Variants in MEF2A observed in about 807,000 individuals in gnomAD.
MEF2A encodes the protein myocyte-specific enhancer factor 2A.
A neutral mutation model predicts 55.8 loss-of-function variants in MEF2A; 28 were observed. The observed-to-expected ratio is 0.50, with a 90% CI of 0.37 to 0.69. MEF2A has a LOEUF of 0.69. Ranked by LOEUF, MEF2A falls within the 30% of genes least tolerant of loss-of-function variation. MEF2A has a pLI of 0.00. For missense variants in MEF2A, 528 were observed against 626.2 expected, an observed-to-expected ratio of 0.84 and a Z score of 1.67; for synonymous variants, 239 against 227.1, an observed-to-expected ratio of 1.05 and a Z score of -0.47.
intron 2 of MEF2A, among the ~76,000 whole-genome samples, chr15:99,615,199 A>C (rs2039995306): frequency 6.6e-6 from 1 of 152,172 alleles, no homozygotes. Context: ...AGGGTATCTT[A>C]AGTTGAGTAG....
chr15:99,596,234 T>C (rs1971126421), intron 1 of MEF2A, among the ~76,000 whole-genome samples: 1 of 152,186 alleles, frequency 6.6e-6, no homozygotes, highest in South Asian at 2.1e-4. Context: ...GTTTAATCAC[T>C]TGTTTGCCAT....
chr15:99,710,223 G>T (rs2058479828), intron 10 of MEF2A, among the ~76,000 whole-genome samples: 2 of 152,126 alleles, frequency 1.3e-5, no homozygotes, highest in South Asian at 4.1e-4. Context: ...GAAGTATCTG[G>T]CTTCTCTCAA....
intron 1 of MEF2A, among the ~76,000 whole-genome samples, chr15:99,577,983 C>T (rs547067941): frequency 6.6e-6 from 1 of 152,248 alleles, no homozygotes; most frequent in Admixed American, 6.5e-5. Context: ...TTACTAATGA[C>T]GTTAATCTTG....
chr15:99,690,288 A>G lies in MEF2A; in HGVS notation c.718A>G (p.Thr240Ala), dbSNP rs2055122002. 6.2e-7 allele frequency: 1 copy of G among 1,613,682 alleles called. No homozygotes were observed. Residue 240 changes from threonine to alanine, a missense_variant, in exon 8 of 12, where the codon ACT becomes GCT. Coordinates refer to ENST00000557942, the MANE Select transcript of MEF2A (RefSeq NM_001319206.4). ...AGCTTCTCCAAATTTGATTGGAGCT[A>G]CTGGTGCAAATAGCTTAGGCAAAGT... ...SRASPNLIGA[T>A]GANSLGKVMP...
chr15:99,695,090 T>G (rs546833754), intron 8 of MEF2A, among the ~76,000 whole-genome samples: 17 of 152,108 alleles, frequency 1.1e-4, no homozygotes, highest in Non-Finnish European at 2.1e-4. Flanking sequence ...CAGGCATTTC[T>G]CCAAGGAACA....
intron 1 of MEF2A, among the ~76,000 whole-genome samples, chr15:99,594,032 T>A (rs1179803476): frequency 6.6e-6 from 1 of 152,150 alleles, no homozygotes; most frequent in Non-Finnish European, 1.5e-5. Context: ...CAAGTAGTTC[T>A]CCAGTGGACA....
intron 10 of MEF2A, among the ~76,000 whole-genome samples, chr15:99,709,973 C>T (rs539454058): frequency 5.3e-5 from 8 of 152,304 alleles, no homozygotes; most frequent in African/African-American, 1.7e-4. Context: ...TATTCCCTGT[C>T]CCCCAACCCC....
At position 99,712,968 on chromosome 15, in the gene MEF2A, A is replaced by G. The variant is rs1359323821; in HGVS notation, c.*197A>G. The stretch of plus-strand genomic sequence containing the variant: ...TACACAGAATCAGGCACTTACCTGC[A>G]AACTCCTTGTAGGTCTGCAGATGTG... On this transcript the variant is annotated 3_prime_UTR_variant, in exon 12 of 12. Transcript: ENST00000557942. This position sits in a 1 kb window ranked among gnomAD's most constrained non-coding sequence, Gnocchi z 4.1. 1.5e-6 allele frequency: 1 copy of G among 648,018 alleles called. No individual in the cohort carries two copies. The highest frequency in any genetic ancestry group is 2.6e-6 in the Non-Finnish European group (1 of 387,814). 40.1% of individuals were successfully genotyped at this position (648,018 alleles called of 1,614,324 possible).
At chr15:99,680,474 T>C (rs1035112746) in intron 7 of MEF2A, among the ~76,000 whole-genome samples, 1 of 152,188 alleles carries the variant, frequency 6.6e-6, no homozygotes, top group Non-Finnish European at 1.5e-5. Context: ...TGTAAATTAG[T>C]AACAATCTTT....
chr15:99,575,470 T>C (rs866737823), intron 1 of MEF2A, among the ~76,000 whole-genome samples: 1 of 152,212 alleles, frequency 6.6e-6, no homozygotes, highest in African/African-American at 2.4e-5. Context: ...AAAAATCCCA[T>C]GTAAGTGATG....
chr15:99,673,941 CATATT>C (rs748132407), intron 5 of MEF2A, among the ~76,000 whole-genome samples: 4 of 151,804 alleles, frequency 2.6e-5, no homozygotes, highest in Non-Finnish European at 5.9e-5. Flanking sequence ...TCAGATTTGA[CATATT>C]AAGTTAATAA....
intron 9 of MEF2A, 100 bp from the exon 10 acceptor site, chr15:99,706,629 T>G (rs325409): frequency 0.76 from 1,010,236 of 1,335,034 alleles, 392,005 homozygotes; most frequent in Middle Eastern, 0.86. Flanking sequence ...GAAAATGACA[T>G]TCATATGAAA....
intron 4 of MEF2A, among the ~76,000 whole-genome samples, chr15:99,658,514 T>G (rs2048115192): frequency 1.3e-5 from 2 of 152,052 alleles, no homozygotes; most frequent in Admixed American, 1.3e-4. Flanking sequence ...AGGCAATATT[T>G]GATGAGATAA....
chr15:99,699,751 A>G (rs1488670837), intron 8 of MEF2A, among the ~76,000 whole-genome samples: 1 of 152,192 alleles, frequency 6.6e-6, no homozygotes, highest in African/African-American at 2.4e-5. Flanking sequence ...TGGTAAATTC[A>G]TCCCTCACAT....
intron 1 of MEF2A, among the ~76,000 whole-genome samples, chr15:99,598,173 C>T (rs941425341): frequency 1.8e-4 from 28 of 152,068 alleles, no homozygotes; most frequent in African/African-American, 4.3e-4. Context: ...TTGAATCTCG[C>T]GATGCAAAGA....
At chr15:99,629,965 G>A (rs920212988) in intron 2 of MEF2A, among the ~76,000 whole-genome samples, 2 of 151,524 alleles carry the variant, frequency 1.3e-5, no homozygotes, top group Admixed American at 1.3e-4. Context: ...CTCTTTGGGG[G>A]TGGGGGACCT....
intron 2 of MEF2A, among the ~76,000 whole-genome samples, chr15:99,627,281 A>G (rs1422676151): frequency 6.6e-6 from 1 of 151,926 alleles, no homozygotes; most frequent in Non-Finnish European, 1.5e-5. Flanking sequence ...TTAGCTGAAC[A>G]TGATGATGGA....
chr15:99,707,863 C>T (rs919990698), intron 10 of MEF2A, among the ~76,000 whole-genome samples: 1 of 151,986 alleles, frequency 6.6e-6, no homozygotes, highest in East Asian at 1.9e-4. Context: ...GGGGACAGAG[C>T]GTTGATAACA....
Position 99,585,210 on chromosome 15 carries a change from G to C in MEF2A, c.-224-13220G>C, listed in dbSNP as rs558656920. On this transcript the variant is annotated intron_variant, in intron 1 of 11. Coordinates refer to ENST00000557942, the MANE Select transcript of MEF2A (RefSeq NM_001319206.4). The stretch of plus-strand genomic sequence containing the variant: ...AAATTCAGATGCTTTCCTATTTTCA[G>C]GGTTAAGGTTATACAAAATTGTGTT... 5.3e-5 allele frequency among the ~76,000 whole-genome samples: 8 copies of C among 152,124 alleles called. No homozygotes were observed. In the South Asian group the frequency reaches 1.2e-3, roughly 24 times the overall value.
Sources: gnomAD v4.1 joint callset for allele counts (sites outside exome capture counted in the v4.1 genomes callset) on GRCh38, gnomAD v4.1.1 for gene constraint, Gnocchi (gnomAD v3.1) non-coding constraint, MANE v1.5 for transcripts, NCBI Gene and HGNC (gene_info 2026-07-23, HGNC 2026-07-21) for gene names.